The following RIT2 variants were observed in gnomAD, a reference collection of about 807,000 sequenced individuals.
RIT2 encodes Ras like without CAAX 2.
Under a neutral mutation model 23.7 loss-of-function variants are expected in RIT2, and 24 were observed. The ratio of observed to expected loss-of-function variants is 1.01; its 90% CI spans 0.73 to 1.43. The LOEUF is 1.43. Ranked by LOEUF, RIT2 falls within the 40% of genes most tolerant of loss-of-function variation. The pLI is 0.00. For missense variants in RIT2, 236 were observed against 266.9 expected, an observed-to-expected ratio of 0.88 and a Z score of 0.81; for synonymous variants, 107 against 91.1, an observed-to-expected ratio of 1.17 and a Z score of -0.99.
intron 3 of RIT2, among the ~76,000 whole-genome samples, chr18:42,944,289 C>A (rs2144162888): frequency 6.6e-6 from 1 of 152,222 alleles, no homozygotes; most frequent in East Asian, 1.9e-4. Flanking sequence ...TCTCACACTT[C>A]TTTGTTTACT....
chr18:42,852,400 A>T (rs1247954224), intron 4 of RIT2, among the ~76,000 whole-genome samples: 2 of 152,210 alleles, frequency 1.3e-5, no homozygotes, highest in Non-Finnish European at 2.9e-5. Context: ...CTTAGGATAC[A>T]TAACAAAATA....
At chr18:42,904,122 A>G (rs917359943) in intron 4 of RIT2, among the ~76,000 whole-genome samples, 2 of 152,170 alleles carry the variant, frequency 1.3e-5, no homozygotes. Flanking sequence ...TCTTTGTATG[A>G]CAGTGCCAAT....
At chr18:42,747,322 A>G (rs1266365272) in intron 4 of RIT2, among the ~76,000 whole-genome samples, 1 of 152,060 alleles carries the variant, frequency 6.6e-6, no homozygotes, top group Non-Finnish European at 1.5e-5. Flanking sequence ...TAAATAAAAT[A>G]CTTAAGAATA....
intron 2 of RIT2, 114 bp from the exon 3 acceptor site, chr18:42,974,261 C>T (rs1910430555): frequency 1.5e-6 from 1 of 678,348 alleles, no homozygotes; most frequent in African/African-American, 1.8e-5. Context: ...TAGAAATATT[C>T]CTCAAATAAC....
rs187340321 is a variant in RIT2 at position 42,979,491 on chromosome 18, A to G, written c.161-5344T>C. On this transcript the variant is annotated intron_variant, in intron 2 of 4. Transcript: ENST00000326695. ...TCCAAGATATTAATCACTGACCCAAATTTTTTAAAGGCAATAAATAGTACA... is the reference window on the plus strand; with the variant it reads ...TCCAAGATATTAATCACTGACCCAAGTTTTTTAAAGGCAATAAATAGTACA... Among the ~76,000 whole-genome samples the G allele has an allele frequency of 1.3e-4, 20 of 152,240 alleles. No homozygotes were observed. In the East Asian group the frequency reaches 3.5e-3, roughly 26 times the overall value.
At chr18:42,968,745 A>G (rs1051924147) in intron 3 of RIT2, among the ~76,000 whole-genome samples, 1 of 152,184 alleles carries the variant, frequency 6.6e-6, no homozygotes, top group African/African-American at 2.4e-5. Context: ...GTTTTTAAAA[A>G]TGTGCCTTAC....
At chr18:42,925,795 T>C (rs1291683021) in intron 3 of RIT2, among the ~76,000 whole-genome samples, 1 of 151,706 alleles carries the variant, frequency 6.6e-6, no homozygotes, top group Non-Finnish European at 1.5e-5. Flanking sequence ...TCTTCCTTTA[T>C]ACATCATTCT....
chr18:43,037,529 T>A (rs1912008957), intron 1 of RIT2, among the ~76,000 whole-genome samples: 1 of 152,154 alleles, frequency 6.6e-6, no homozygotes, highest in South Asian at 2.1e-4. Flanking sequence ...TTTGTTTTAT[T>A]TTAATAGGCA....
At chr18:43,085,655 G>A (rs1422275974) in intron 1 of RIT2, among the ~76,000 whole-genome samples, 18 of 152,188 alleles carry the variant, frequency 1.2e-4, no homozygotes, top group Middle Eastern at 6.8e-3. Flanking sequence ...CATCAATGTT[G>A]TTATAAATGA....
intron 4 of RIT2, among the ~76,000 whole-genome samples, chr18:42,797,368 C>A (rs1905397833): frequency 6.6e-6 from 1 of 152,088 alleles, no homozygotes. Context: ...AGAAATCACA[C>A]TTCCCTGTGA....
intron 4 of RIT2, among the ~76,000 whole-genome samples, chr18:42,918,661 T>C (rs1289513595): frequency 6.6e-6 from 1 of 152,156 alleles, no homozygotes; most frequent in Non-Finnish European, 1.5e-5. Context: ...TACATATTTA[T>C]GTTTTGTCTT....
chr18:42,904,546 G>A (rs912130779), intron 4 of RIT2, among the ~76,000 whole-genome samples: 1 of 152,136 alleles, frequency 6.6e-6, no homozygotes, highest in Non-Finnish European at 1.5e-5. Context: ...GTATTTTATA[G>A]TTTAACAATG....
chr18:43,023,198 T>A (rs767331205), intron 2 of RIT2, among the ~76,000 whole-genome samples: 1 of 152,202 alleles, frequency 6.6e-6, no homozygotes, highest in Non-Finnish European at 1.5e-5. Flanking sequence ...AAACTTCACA[T>A]AGTAGATTGG....
At chr18:42,852,511 T>C (rs1477847641) in intron 4 of RIT2, among the ~76,000 whole-genome samples, 2 of 152,162 alleles carry the variant, frequency 1.3e-5, no homozygotes, top group African/African-American at 4.8e-5. Context: ...GCTCTGGGAC[T>C]TTTTCCTCAC....
At chr18:42,797,542 G>T (rs1207638775) in intron 4 of RIT2, among the ~76,000 whole-genome samples, 2 of 151,596 alleles carry the variant, frequency 1.3e-5, no homozygotes, top group Non-Finnish European at 2.9e-5. Context: ...TGCAAACTTG[G>T]GCATGTTACT....
chr18:42,996,871 C>A lies in RIT2; in HGVS notation c.161-22724G>T, dbSNP rs576587203. 1.1e-4 allele frequency among the ~76,000 whole-genome samples: 16 copies of A among 152,274 alleles called. No individual in the cohort carries two copies. The South Asian group carries it at 1.7e-3, about 16-fold the overall frequency. On this transcript the variant is annotated intron_variant, in intron 2 of 4. Coordinates refer to ENST00000326695, the MANE Select transcript of RIT2 (RefSeq NM_002930.4). ...TTTACAGAAGACTTGAGTTTGGACA[C>A]TCAACAACCTGGTCATCCCTATGAA...
At chr18:43,031,497 TA>T (rs1189830621) in intron 2 of RIT2, among the ~76,000 whole-genome samples, 1 of 152,094 alleles carries the variant, frequency 6.6e-6, no homozygotes, top group Non-Finnish European at 1.5e-5. Context: ...AACCTAATAT[TA>T]ACCAATCTGC....
chr18:42,784,193 A>C (rs1413849034), intron 4 of RIT2, among the ~76,000 whole-genome samples: 1 of 151,686 alleles, frequency 6.6e-6, no homozygotes, highest in Non-Finnish European at 1.5e-5. Flanking sequence ...CATATTTTTC[A>C]AGGCCAAACT....
At chr18:43,006,190 A>G (rs1040442893) in intron 2 of RIT2, among the ~76,000 whole-genome samples, 3 of 151,770 alleles carry the variant, frequency 2.0e-5, no homozygotes, top group African/African-American at 7.2e-5. Flanking sequence ...TACAATTTTT[A>G]AGAAACTATC....
Sources: gnomAD v4.1 joint callset for allele counts (sites outside exome capture counted in the v4.1 genomes callset) on GRCh38, gnomAD v4.1.1 for gene constraint, MANE v1.5 for transcripts, NCBI Gene and HGNC (gene_info 2026-07-23, HGNC 2026-07-21) for gene names.